APOC4: variants seen among roughly 807,000 people sequenced by gnomAD.
The protein encoded by APOC4 is apolipoprotein C4.
A neutral mutation model predicts 8.4 loss-of-function variants in APOC4; 10 were observed. The ratio of observed to expected loss-of-function variants is 1.19; its 90% CI spans 0.74 to 2.03. APOC4 has a LOEUF of 2.03. Ranked by LOEUF, APOC4 falls within the 30% of genes most tolerant of loss-of-function variation. APOC4 has a pLI of 0.00. For synonymous variants in APOC4, 59 were observed against 65.8 expected (o/e 0.90, Z 0.50); for missense variants, 160 against 156.1 (o/e 1.02, Z -0.13).
intron 1 of APOC4, among the ~76,000 whole-genome samples, chr19:44,943,929 G>A (rs909691312): frequency 2.6e-5 from 4 of 152,166 alleles, no homozygotes; most frequent in Non-Finnish European, 4.4e-5. Flanking sequence ...CCCGCGTGAC[G>A]GCTGGTCTCT....
At chr19:44,943,213 G>A (rs1295188214) in intron 1 of APOC4, among the ~76,000 whole-genome samples, 4 of 151,790 alleles carry the variant, frequency 2.6e-5, no homozygotes, top group African/African-American at 9.7e-5. Flanking sequence ...GAGCCACTGC[G>A]CCTGGCCAAT....
chr19:44,943,631 G>C (rs1022478688), intron 1 of APOC4, among the ~76,000 whole-genome samples: 2 of 151,910 alleles, frequency 1.3e-5, no homozygotes, highest in Non-Finnish European at 2.9e-5. Context: ...GGAGGCTGAG[G>C]CCGGAGAATC....
chr19:44,943,355 C>T (rs889615918), intron 1 of APOC4, among the ~76,000 whole-genome samples: 10 of 151,762 alleles, frequency 6.6e-5, no homozygotes, highest in African/African-American at 9.7e-5. Flanking sequence ...AGGCATGAGC[C>T]ACCACGCCCG....
chr19:44,945,257 C>G lies in APOC4; in HGVS notation c.336C>G (p.Thr112=). ...LESKDSLLKK[T]HSLCPRLVCG... ...CCAAAGACAGCCTCTTGAAGAAGAC[C>G]CACAGCCTGTGCCCCAGGCTTGTCT... is the stretch of plus-strand genomic sequence containing the variant. The change falls in exon 3 of 3, where the codon ACC becomes ACG. Residue 112 remains threonine, a synonymous_variant. Transcript: ENST00000592954. 2 of 1,613,958 alleles carry G rather than the reference C, an allele frequency of 1.2e-6. No homozygotes were observed. Among genetic ancestry groups the G allele is most frequent in the Non-Finnish European group, 1.7e-6 (2 of 1,179,988 alleles).
chr19:44,945,434 G>A lies in APOC4; in HGVS notation c.*129G>A. The A allele has an allele frequency of 1.1e-6, 1 of 896,346 alleles. No homozygotes were observed. Among genetic ancestry groups the A allele is most frequent in the Non-Finnish European group, 1.7e-6 (1 of 598,328 alleles). The allele number at this position is 896,346 out of a possible 1,614,324, so 55.5% of individuals were successfully genotyped here. Reference sequence around the variant, plus strand: ...CCTGGGCAACACAGCGAGATCTCTTGGGGGTAAAACAAAAAGAAAAAAAAA... The same window carrying A: ...CCTGGGCAACACAGCGAGATCTCTTAGGGGTAAAACAAAAAGAAAAAAAAA... On this transcript the variant is annotated 3_prime_UTR_variant, in exon 3 of 3. Transcript: ENST00000592954.
intron 1 of APOC4, among the ~76,000 whole-genome samples, chr19:44,942,960 T>C (rs1371320928): frequency 2.6e-5 from 4 of 151,296 alleles, no homozygotes; most frequent in South Asian, 2.1e-4. Context: ...CTCGCTCTGT[T>C]ACCCAGGCTG....
chr19:44,942,436 CGTG>C, intron 1 of APOC4, 83 bp downstream of exon 1: 1 of 1,382,822 alleles, frequency 7.2e-7, no homozygotes, highest in Non-Finnish European at 1.0e-6. Flanking sequence ...TCTGTAGCCA[CGTG>C]AGACATGAGT....
At position 44,945,376 on chromosome 19, in the gene APOC4, G is replaced by A; in HGVS notation, c.*71G>A. ...CCAGCTACTCAGGAGGCTGAGGTAG[G>A]ATGATGGCTTGAGCCCAGGAGTTCG... On this transcript the variant is annotated 3_prime_UTR_variant, in exon 3 of 3. Coordinates refer to ENST00000592954, the MANE Select transcript of APOC4 (RefSeq NM_001646.3). 1 of 1,517,066 alleles carries A rather than the reference G, an allele frequency of 6.6e-7. No individual in the cohort carries two copies. The highest frequency in any genetic ancestry group is 1.2e-5 in the South Asian group (1 of 81,174). The allele number at this position is 1,517,066 out of a possible 1,614,324, so 94.0% of individuals were successfully genotyped here. A position where few individuals can be genotyped will look rare whatever the true frequency, so the allele number is the denominator to read the frequency against.
chr19:44,942,321 G>A lies in APOC4; in HGVS notation c.44G>A (p.Cys15Tyr). 3 of 1,613,802 alleles carry A rather than the reference G, an allele frequency of 1.9e-6. No individual in the cohort carries two copies. Among genetic ancestry groups the A allele is most frequent in the Non-Finnish European group, 2.5e-6 (3 of 1,179,872 alleles). ...AGGCTCCAGGCCCTGCCTGCCCTGT[G>A]CCTCTGCGTGCTGGTCCTGGCCTGC... ...RNRLQALPAL[C>Y]LCVLVLACIG... Residue 15 changes from cysteine (C) to tyrosine (Y), a missense_variant, in exon 1 of 3, where the codon TGC becomes TAC. Physicochemically the swap from Cys to Tyr is radical, Grantham distance 194 (BLOSUM62 -2). Coordinates refer to ENST00000592954, the MANE Select transcript of APOC4 (RefSeq NM_001646.3).
intron 1 of APOC4, among the ~76,000 whole-genome samples, chr19:44,943,069 C>A (rs977318600): frequency 2.6e-5 from 4 of 151,986 alleles, no homozygotes; most frequent in African/African-American, 9.7e-5. Context: ...CTACAGGAGC[C>A]CACCACCACG....
At position 44,944,861 on chromosome 19, in the gene APOC4, C is replaced by T. The variant is rs200355132; in HGVS notation, c.189C>T (p.Asn63=). 18 of 1,607,924 alleles carry T rather than the reference C, an allele frequency of 1.1e-5. No individual in the cohort carries two copies. Among genetic ancestry groups the T allele is most frequent in the Admixed American group, 5.2e-5 (3 of 58,076 alleles). ...RMKELLETVV[N]RTRDGWQWFW... is the part of the protein sequence containing the mutation. The stretch of plus-strand genomic sequence containing the variant: ...AGGAGCTGCTGGAGACAGTGGTGAA[C>T]AGGACCAGAGACGGGTGGCAATGGT... Residue 63 remains asparagine (N), a synonymous_variant, in exon 2 of 3, where the codon AAC becomes AAT. Coordinates refer to ENST00000592954, the MANE Select transcript of APOC4 (RefSeq NM_001646.3).
At chr19:44,943,633 C>T (rs5153) in intron 1 of APOC4, among the ~76,000 whole-genome samples, 3 of 151,260 alleles carry the variant, frequency 2.0e-5, no homozygotes, top group Non-Finnish European at 2.9e-5. Flanking sequence ...AGGCTGAGGC[C>T]GGAGAATCAC....
intron 1 of APOC4, among the ~76,000 whole-genome samples, chr19:44,943,873 A>G (rs1970286712): frequency 6.6e-6 from 1 of 152,232 alleles, no homozygotes; most frequent in Non-Finnish European, 1.5e-5. Context: ...TCCTGGGGAG[A>G]CAGGATAAGT....
At chr19:44,943,967 G>A (rs1293191546) in intron 1 of APOC4, among the ~76,000 whole-genome samples, 1 of 152,142 alleles carries the variant, frequency 6.6e-6, no homozygotes, top group African/African-American at 2.4e-5. Context: ...CAGATGCGTG[G>A]GTAGAAGGTC....
At chr19:44,945,107 G>A (rs1599988173) in intron 2 of APOC4, 33 bp from the exon 3 acceptor site, 5 of 1,601,864 alleles carry the variant, frequency 3.1e-6, no homozygotes, top group Non-Finnish European at 4.3e-6. Flanking sequence ...GGGGAGAGCT[G>A]GGGCCTCCAC....
intron 1 of APOC4, among the ~76,000 whole-genome samples, chr19:44,944,025 C>T (rs1170420224): frequency 1.3e-5 from 2 of 152,184 alleles, no homozygotes; most frequent in Non-Finnish European, 2.9e-5. Context: ...ATGTCTGCCC[C>T]TGGGGGCAGA....
At chr19:44,942,426 T>TA in intron 1 of APOC4, 73 bp downstream of exon 1, 3 of 1,478,488 alleles carry the variant, frequency 2.0e-6, no homozygotes, top group African/African-American at 1.4e-5. Flanking sequence ...GTCCTGTGGC[T>TA]CTGTAGCCAC....
chr19:44,944,642 G>C, intron 1 of APOC4, 107 bp from the exon 2 acceptor site: 1 of 1,401,184 alleles, frequency 7.1e-7, no homozygotes, highest in East Asian at 2.5e-5. Context: ...GACTGGCAGG[G>C]GGCTGCCCCT....
At chr19:44,944,286 C>T (rs1285429992) in intron 1 of APOC4, among the ~76,000 whole-genome samples, 2 of 152,064 alleles carry the variant, frequency 1.3e-5, no homozygotes, top group Non-Finnish European at 2.9e-5. Context: ...GTAATCCCAG[C>T]ATTTTGGGAG....
Sources: allele counts gnomAD v4.1 joint callset (sites outside exome capture counted in the v4.1 genomes callset), GRCh38; gene constraint gnomAD v4.1.1; transcripts MANE v1.5; gene names NCBI Gene and HGNC (gene_info 2026-07-23, HGNC 2026-07-21).